Variants in EMID1 observed in about 807,000 individuals in gnomAD.
The protein encoded by EMID1 is EMI domain containing 1, also known as EMI domain-containing protein 1.
In EMID1, 40 loss-of-function variants were observed where a neutral mutation model predicts 60.6. The observed-to-expected ratio is 0.66, with a 90% CI of 0.51 to 0.86. EMID1 has a LOEUF of 0.86. EMID1 is among the 40% of genes least tolerant of loss of function. The probability of loss-of-function intolerance (pLI) is 0.00; values close to 1 mark genes in which losing one functional copy is unlikely to be tolerated. For missense variants in EMID1, 585 were observed against 597.1 expected, an observed-to-expected ratio of 0.98 and a Z score of 0.21; for synonymous variants, 242 against 231.0, an observed-to-expected ratio of 1.05 and a Z score of -0.43.
Position 29,233,599 on chromosome 22 carries a change from CCTGT to C in EMID1, c.914-12_914-9del. 1 of 1,613,180 alleles carries C rather than the reference CCTGT, an allele frequency of 6.2e-7. No homozygotes were observed. The highest frequency in any genetic ancestry group is 1.3e-5 in the African/African-American group (1 of 74,988). On this transcript the variant is annotated splice_polypyrimidine_tract_variant and intron_variant, in intron 9 of 14. Coordinates refer to ENST00000334018, the MANE Select transcript of EMID1 (RefSeq NM_133455.4). ...TACTTTGTTCCGGCCCTTAGGACAT[CCTGT>C]CTTTTTCCAGGTCCCCCTGGGCCTC...
chr22:29,216,045 G>C (rs745799147), intron 3 of EMID1, among the ~76,000 whole-genome samples: 2 of 152,162 alleles, frequency 1.3e-5, no homozygotes, highest in Non-Finnish European at 2.9e-5. Flanking sequence ...TGAGGAAACC[G>C]AGGCTCAGGA....
chr22:29,233,347 G>T, intron 8 of EMID1, 32 bp from the exon 9 acceptor site: 1 of 1,611,742 alleles, frequency 6.2e-7, no homozygotes, highest in Non-Finnish European at 8.5e-7. Context: ...ACTCTACCCA[G>T]CTCTACTCAC....
rs1488172004 is a variant in EMID1, at chr22:29,231,071, C to A, written c.517C>A (p.Pro173Thr). 1.4e-5 allele frequency: 22 copies of A among 1,613,902 alleles called. No homozygotes were observed. The highest frequency in any genetic ancestry group is 1.8e-5 in the Non-Finnish European group (21 of 1,179,948). The stretch of plus-strand genomic sequence containing the variant: ...GCCAGTACCTCCAACACCAGCTACC[C>A]CTGAGGACCCTGCCCCGCTCTGGGG... Reference protein sequence around the residue: ...EQPVPPTPATPEDPAPLWGPP... With the variant: ...EQPVPPTPATTEDPAPLWGPP... The change falls in exon 6 of 15, where the codon CCT (proline) becomes ACT (threonine). Residue 173 changes from proline to threonine, a missense_variant. Pro to Thr is a conservative substitution (Grantham distance 38, BLOSUM62 -1). Coordinates refer to ENST00000334018, the MANE Select transcript of EMID1 (RefSeq NM_133455.4).
intron 12 of EMID1, among the ~76,000 whole-genome samples, chr22:29,241,577 C>T (rs934804593): frequency 1.3e-4 from 19 of 145,896 alleles, no homozygotes; most frequent in African/African-American, 4.2e-4. Flanking sequence ...TTAGTAGAGA[C>T]GGGGTTTCAC....
chr22:29,232,031 G>A, intron 7 of EMID1: 1 of 602,874 alleles, frequency 1.7e-6, no homozygotes, highest in East Asian at 2.8e-5. Flanking sequence ...TCTATGAGGG[G>A]TTTTGGGGGT....
At chr22:29,209,211 G>A (rs1467072891) in intron 1 of EMID1, among the ~76,000 whole-genome samples, 4 of 152,342 alleles carry the variant, frequency 2.6e-5, no homozygotes, top group Admixed American at 2.0e-4. Context: ...GTGGCAGGGG[G>A]TGGAGTGTGG....
intron 5 of EMID1, among the ~76,000 whole-genome samples, chr22:29,227,337 G>A (rs889196748): frequency 6.6e-6 from 1 of 151,738 alleles, no homozygotes; most frequent in African/African-American, 2.4e-5. Context: ...GCAATTCACT[G>A]TCTTGGCCTC....
chr22:29,206,926 T>A (rs983051373), intron 1 of EMID1, among the ~76,000 whole-genome samples: 1 of 152,224 alleles, frequency 6.6e-6, no homozygotes, highest in African/African-American at 2.4e-5. Flanking sequence ...TGCCCTTCTA[T>A]CCTTGATGAC....
Position 29,248,188 on chromosome 22 carries a change from A to G in EMID1, c.1119+4699A>G, listed in dbSNP as rs144974557. Among the ~76,000 whole-genome samples the G allele has an allele frequency of 3.0e-3, 456 of 149,704 alleles. 4 individuals carry two copies. Among genetic ancestry groups the G allele is most frequent in the African/African-American group, 0.011 (443 of 40,682 alleles). ...TGGCCAGGCTGGTCTCAAACTCCTG[A>G]CTTCAAGTGATCCGCCTGCTTCGGT... On this transcript the variant is annotated intron_variant, in intron 13 of 14. Coordinates refer to ENST00000334018, the MANE Select transcript of EMID1 (RefSeq NM_133455.4).
chr22:29,239,974 G>A (rs1413004391), intron 12 of EMID1, among the ~76,000 whole-genome samples: 10 of 151,692 alleles, frequency 6.6e-5, no homozygotes, highest in Admixed American at 6.6e-4. Flanking sequence ...ACCACACCCA[G>A]CTAATTTTTT....
At chr22:29,243,910 C>T (rs897989456) in intron 13 of EMID1, among the ~76,000 whole-genome samples, 5 of 152,196 alleles carry the variant, frequency 3.3e-5, no homozygotes, top group Admixed American at 6.5e-5. Flanking sequence ...ACAATATCTA[C>T]ACAGGAGAAT....
intron 13 of EMID1, among the ~76,000 whole-genome samples, chr22:29,247,132 G>A (rs1164092668): frequency 6.6e-6 from 1 of 151,482 alleles, no homozygotes; most frequent in Non-Finnish European, 1.5e-5. Context: ...AGCCATGCCT[G>A]GCTAATTTTT....
At position 29,243,480 on chromosome 22, in the gene EMID1, G is replaced by C; in HGVS notation, c.1110G>C (p.Lys370Asn). Residue 370 changes from lysine (K) to asparagine (N), a missense_variant, in exon 13 of 15, where the codon AAG becomes AAC. Coordinates refer to ENST00000334018, the MANE Select transcript of EMID1 (RefSeq NM_133455.4). ...EPGPKGDPGEKSHWGEGLHQL... is the reference protein window; with the variant it reads ...EPGPKGDPGENSHWGEGLHQL... ...GCCCTAAGGGAGACCCTGGTGAGAA[G>C]AGCCACTGGGTAAGCTCTGGCCTGG... The C allele has an allele frequency of 6.2e-7, 1 of 1,614,138 alleles. No homozygotes were observed. The highest frequency in any genetic ancestry group is 8.5e-7 in the Non-Finnish European group (1 of 1,180,020).
In EMID1 at chr22:29,230,116, T is replaced by C. The variant is rs189441759; in HGVS notation, c.466-904T>C. 3.9e-5 allele frequency among the ~76,000 whole-genome samples: 6 copies of C among 152,238 alleles called. No homozygotes were observed. The East Asian group carries it at 1.2e-3, about 29-fold the overall frequency. ...GGGAGGCTGAGATAAGCAGATCACT[T>C]CAGGTCAGGAGTTTGAGACCAGCCT... is the stretch of plus-strand genomic sequence containing the variant. On this transcript the variant is annotated intron_variant, in intron 5 of 14. Transcript: ENST00000334018.
At chr22:29,224,482 T>G (rs2040424314) in intron 3 of EMID1, among the ~76,000 whole-genome samples, 1 of 152,136 alleles carries the variant, frequency 6.6e-6, no homozygotes, top group Admixed American at 6.5e-5. Context: ...TCTCCTCCGG[T>G]AGGGGTGGCA....
intron 13 of EMID1, among the ~76,000 whole-genome samples, chr22:29,252,249 C>G (rs1328329428): frequency 6.6e-6 from 1 of 152,230 alleles, no homozygotes; most frequent in Non-Finnish European, 1.5e-5. Context: ...GTGATGTGGA[C>G]AGGACAGCTG....
chr22:29,232,543 G>A lies in EMID1; in HGVS notation c.823+141G>A, dbSNP rs560738360. 35 of 970,732 alleles carry A rather than the reference G, an allele frequency of 3.6e-5. No individual in the cohort carries two copies. The African/African-American group carries it at 5.0e-4, about 14-fold the overall frequency. The allele number at this position is 970,732 out of a possible 1,614,324, so 60.1% of individuals were successfully genotyped here. A position where few individuals can be genotyped will look rare whatever the true frequency, so the allele number is the denominator to read the frequency against. On this transcript the variant is annotated intron_variant, in intron 8 of 14. Transcript: ENST00000334018. ...CATGTGACCCAGTCCTCCAGCAGGC[G>A]CCGTTGTCCTCCTGTGGTTACAGGT...
At chr22:29,230,135 C>G (rs747177326) in intron 5 of EMID1, among the ~76,000 whole-genome samples, 1 of 152,140 alleles carries the variant, frequency 6.6e-6, no homozygotes, top group Non-Finnish European at 1.5e-5. Context: ...GAGTTTGAGA[C>G]CAGCCTGGCC....
At chr22:29,227,913 T>G (rs554500566) in intron 5 of EMID1, among the ~76,000 whole-genome samples, 16 of 151,854 alleles carry the variant, frequency 1.1e-4, no homozygotes, top group Non-Finnish European at 1.8e-4. Context: ...CACAGCACTT[T>G]GGGAGGTCAA....
Sources: gnomAD v4.1 joint callset for allele counts (sites outside exome capture counted in the v4.1 genomes callset) on GRCh38, gnomAD v4.1.1 for gene constraint, MANE v1.5 for transcripts, NCBI Gene and HGNC (gene_info 2026-07-23, HGNC 2026-07-21) for gene names.